The following ATRX variants were observed in gnomAD, a reference collection of about 807,000 sequenced individuals.
ATRX encodes ATRX chromatin remodeler.
In ATRX, 12 loss-of-function variants were observed where a neutral mutation model predicts 172.6. The observed-to-expected ratio is 0.07, with a 90% CI of 0.04 to 0.11. The LOEUF (loss-of-function observed/expected upper bound fraction) is 0.11. Among genes scored for constraint, ATRX ranks in the 10% least tolerant of loss-of-function variants. ATRX has a pLI of 1.00. For synonymous variants in ATRX, 674 were observed against 594.7 expected (o/e 1.13, Z -1.94); for missense variants, 1,368 against 1,767.4 (o/e 0.77, Z 4.05).
chrX:77,684,792 C>T, intron 8 of ATRX, 147 bp downstream of exon 8: 2 of 742,845 alleles, frequency 2.7e-6, no homozygotes, highest in Non-Finnish European at 4.0e-6. Context: ...TTAAACTAGA[C>T]ATAAATCCAG....
At chrX:77,574,132 C>A in intron 28 of ATRX, 118 bp downstream of exon 28, 1 of 490,758 alleles carries the variant, frequency 2.0e-6, no homozygotes, top group Admixed American at 3.4e-5. Context: ...GTTTTGCAAC[C>A]TGACTGTACC....
chrX:77,641,225 A>C (rs542418772), intron 15 of ATRX, among the ~76,000 whole-genome samples: 56 of 111,558 alleles, frequency 5.0e-4, no homozygotes, highest in South Asian at 2.6e-3. Flanking sequence ...CAAAAATGGG[A>C]CAAGAAGTAA....
intron 33 of ATRX, 37 bp downstream of exon 33, chrX:77,521,366 T>C (rs938291526): frequency 2.8e-6 from 3 of 1,084,181 alleles, no homozygotes; most frequent in African/African-American, 3.7e-5. Context: ...AGGGTACAAA[T>C]TGGAGGTTGG....
At chrX:77,538,919 A>G (rs782549309) in intron 30 of ATRX, among the ~76,000 whole-genome samples, 59 of 101,131 alleles carry the variant, frequency 5.8e-4, no homozygotes, top group African/African-American at 2.2e-3. Flanking sequence ...TTTTTGATAC[A>G]GAGTCTCACT....
At chrX:77,565,604 C>T (rs1371731147) in intron 28 of ATRX, among the ~76,000 whole-genome samples, 1 of 111,943 alleles carries the variant, frequency 8.9e-6, no homozygotes, top group Admixed American at 9.4e-5. Flanking sequence ...GCCTGTAATC[C>T]CAGCAAGTTG....
intron 20 of ATRX, among the ~76,000 whole-genome samples, 188 bp from the exon 21 acceptor site, chrX:77,619,169 G>A (rs1353438478): frequency 9.0e-6 from 1 of 111,517 alleles, no homozygotes; most frequent in African/African-American, 3.3e-5. Flanking sequence ...CAAAACGAGA[G>A]AGAAAATTGA....
intron 28 of ATRX, among the ~76,000 whole-genome samples, chrX:77,559,852 C>A (rs782442991): frequency 1.9e-4 from 21 of 111,300 alleles, no homozygotes; most frequent in Non-Finnish European, 3.4e-4. Flanking sequence ...AATACTTCAG[C>A]AAAATATAAT....
chrX:77,557,358 T>A (rs1424768747), intron 30 of ATRX, 93 bp downstream of exon 30: 40 of 858,363 alleles, frequency 4.7e-5, no homozygotes, highest in Non-Finnish European at 6.6e-5. Context: ...AATTCTGAAA[T>A]ATAGCCTTAA....
chrX:77,688,186 G>A (rs2071688821), intron 7 of ATRX, among the ~76,000 whole-genome samples: 2 of 110,966 alleles, frequency 1.8e-5, no homozygotes, highest in Admixed American at 1.9e-4. Context: ...AGATCCACCT[G>A]CCTCAGCATC....
chrX:77,703,292 T>C (rs1458086202), intron 2 of ATRX, among the ~76,000 whole-genome samples: 4 of 113,005 alleles, frequency 3.5e-5, no homozygotes, highest in African/African-American at 1.3e-4. Context: ...GCTACTGGCC[T>C]GTGTCCTATG....
chrX:77,785,142 T>C (rs1421891887), intron 1 of ATRX, among the ~76,000 whole-genome samples: 1 of 111,259 alleles, frequency 9.0e-6, no homozygotes, highest in South Asian at 3.7e-4. Context: ...TGCCAGGCAT[T>C]TTCCCTTGCA....
intron 26 of ATRX, among the ~76,000 whole-genome samples, chrX:77,592,180 G>A (rs1362834512): frequency 9.0e-6 from 1 of 110,950 alleles, no homozygotes; most frequent in Non-Finnish European, 1.9e-5. Flanking sequence ...GGGAGGCTGA[G>A]GCGGGTGGAT....
At chrX:77,536,936 G>C (rs2063768307) in intron 30 of ATRX, among the ~76,000 whole-genome samples, 1 of 111,795 alleles carries the variant, frequency 8.9e-6, no homozygotes, top group African/African-American at 3.3e-5. Context: ...CACAGGCTCT[G>C]GAATACTGCT....
chrX:77,678,329 A>C (rs2071015006), intron 9 of ATRX, among the ~76,000 whole-genome samples: 1 of 111,989 alleles, frequency 8.9e-6, no homozygotes, highest in South Asian at 3.7e-4. Context: ...AATGAAATAT[A>C]ATTAGTAACA....
chrX:77,710,607 T>C (rs2073063413), intron 2 of ATRX, among the ~76,000 whole-genome samples: 1 of 111,217 alleles, frequency 9.0e-6, no homozygotes, highest in East Asian at 2.8e-4. Context: ...AATATTACCC[T>C]GCAATTAAAA....
Position 77,781,164 on chromosome X carries a change from G to A in ATRX, c.20+4818C>T, listed in dbSNP as rs190773782. On this transcript the variant is annotated intron_variant, in intron 1 of 34. Coordinates refer to ENST00000373344, the MANE Select transcript of ATRX (RefSeq NM_000489.6). ...TTTTCACTCTTAAAAATTAACAGCCGGGCGCGGTGGCTCACACCTGTAATC... is the reference window on the plus strand; with the variant it reads ...TTTTCACTCTTAAAAATTAACAGCCAGGCGCGGTGGCTCACACCTGTAATC... 2.4e-4 allele frequency among the ~76,000 whole-genome samples: 26 copies of A among 107,561 alleles called. No individual in the cohort carries two copies. In the East Asian group the frequency reaches 7.2e-3, roughly 30 times the overall value. The allele number at this position is 107,561 out of a possible 115,157, so 93.4% of individuals were successfully genotyped here.
intron 14 of ATRX, among the ~76,000 whole-genome samples, chrX:77,652,913 T>C (rs782427983): frequency 2.0e-5 from 2 of 100,841 alleles, no homozygotes; most frequent in South Asian, 4.3e-4. Context: ...TATAAGCATA[T>C]GAAAAGATGT....
At chrX:77,581,509 A>G (rs944768151) in intron 27 of ATRX, among the ~76,000 whole-genome samples, 20 of 112,073 alleles carry the variant, frequency 1.8e-4, no homozygotes, top group Admixed American at 4.7e-4. Context: ...CTACAAGAGG[A>G]TATAACAATT....
Position 77,681,891 on chromosome X carries a change from C to A in ATRX, c.3365G>T (p.Cys1122Phe), listed in dbSNP as rs781805625. 4 of 1,209,330 alleles carry A rather than the reference C, an allele frequency of 3.3e-6. No individual in the cohort carries two copies. In the South Asian group the frequency reaches 7.0e-5, roughly 21 times the overall value. Residue 1122 changes from cysteine (C) to phenylalanine (F), a missense_variant, in exon 9 of 35, where the codon TGT becomes TTT. Cys to Phe is a radical substitution (Grantham distance 205). Transcript: ENST00000373344. ...TEKYSMKEDG[C>F]NSSDKRLKRI... ...TTTCAGTCTCTTATCAGAAGAGTTA[C>A]AACCATCTTCTTTCATGGAATATTT... is the stretch of plus-strand genomic sequence containing the variant.
Sources: gnomAD v4.1 joint callset for allele counts (sites outside exome capture counted in the v4.1 genomes callset) on GRCh38, gnomAD v4.1.1 for gene constraint, MANE v1.5 for transcripts, NCBI Gene and HGNC (gene_info 2026-07-23, HGNC 2026-07-21) for gene names.